RTTN: variants seen among roughly 807,000 people sequenced by gnomAD.
The protein encoded by RTTN is rotatin.
RTTN carries 182 observed loss-of-function variants against 269.2 expected under a neutral mutation model. The ratio of observed to expected loss-of-function variants is 0.68; its 90% CI spans 0.60 to 0.76. The LOEUF (loss-of-function observed/expected upper bound fraction) is 0.76, where lower values mean the gene tolerates loss of function less well. RTTN is among the 30% of genes least tolerant of loss of function. The pLI, the probability that RTTN is intolerant of heterozygous loss-of-function variation, is 0.00. For missense variants in RTTN, 2,545 were observed against 2,608.6 expected (o/e 0.98, Z 0.53); for synonymous variants, 1,006 against 963.5 (o/e 1.04, Z -0.82).
At position 70,204,265 on chromosome 18, in the gene RTTN, T is replaced by C. The variant is rs1293069428; in HGVS notation, c.220-2A>G. On this transcript the variant is annotated splice_acceptor_variant, in intron 2 of 48. Transcript: ENST00000640769. LOFTEE classifies it high-confidence loss of function. The stretch of plus-strand genomic sequence containing the variant: ...CAAATGTTGGACTGCTGGGGGATAC[T>C]AAAATAAGAAGAGGATGATCTTGAG... 6.3e-7 allele frequency: 1 copy of C among 1,598,908 alleles called. No individual in the cohort carries two copies. The highest frequency in any genetic ancestry group is 1.1e-5 in the South Asian group (1 of 87,684).
intron 10 of RTTN, 129 bp from the exon 11 acceptor site, chr18:70,176,974 T>G (rs2061318837): frequency 1.5e-6 from 1 of 650,030 alleles, no homozygotes; most frequent in Middle Eastern, 4.6e-4. Flanking sequence ...AAAACAGAAT[T>G]TATTCCTGTG....
intron 27 of RTTN, among the ~76,000 whole-genome samples, chr18:70,110,097 G>T (rs1402459543): frequency 6.6e-6 from 1 of 151,938 alleles, no homozygotes; most frequent in Non-Finnish European, 1.5e-5. Flanking sequence ...CAGGTGTGGT[G>T]GTGCACACCT....
intron 28 of RTTN, among the ~76,000 whole-genome samples, chr18:70,105,246 A>T (rs1270269567): frequency 6.6e-6 from 1 of 152,172 alleles, no homozygotes; most frequent in Non-Finnish European, 1.5e-5. Context: ...TCGATCTCAG[A>T]CTGCTGTGCT....
chr18:70,190,476 T>C, intron 9 of RTTN, 62 bp downstream of exon 9: 1 of 1,322,006 alleles, frequency 7.6e-7, no homozygotes, highest in Non-Finnish European at 1.1e-6. Context: ...AAAAGGAAAA[T>C]CCTAACGAAA....
At chr18:70,144,768 C>T (rs781378886) in intron 18 of RTTN, among the ~76,000 whole-genome samples, 21 of 152,068 alleles carry the variant, frequency 1.4e-4, no homozygotes, top group Non-Finnish European at 2.9e-4. Context: ...ATGTGTTTCC[C>T]CATTAAAAAG....
Position 70,176,950 on chromosome 18 carries a change from T to A in RTTN, c.1306-105A>T, listed in dbSNP as rs758977860. 6.6e-5 allele frequency: 53 copies of A among 803,380 alleles called. No homozygotes were observed. The African/African-American group carries it at 8.6e-4, about 13-fold the overall frequency. 49.8% of individuals were successfully genotyped at this position (803,380 alleles called of 1,614,324 possible). A position where few individuals can be genotyped will look rare whatever the true frequency, so the allele number is the denominator to read the frequency against. The stretch of plus-strand genomic sequence containing the variant: ...TTAAAATATTATCATTTTCATTAAA[T>A]AGGAAAACAAATCAAAACAGAATTT... On this transcript the variant is annotated intron_variant, in intron 10 of 48. Transcript: ENST00000640769.
At chr18:70,022,977 T>C (rs553688027) in intron 44 of RTTN, among the ~76,000 whole-genome samples, 4 of 152,296 alleles carry the variant, frequency 2.6e-5, no homozygotes, top group Admixed American at 1.3e-4. Flanking sequence ...ACTCCTGTGG[T>C]AGCCAGCCTC....
At chr18:70,151,023 A>G (rs1161995819) in intron 14 of RTTN, among the ~76,000 whole-genome samples, 2 of 151,710 alleles carry the variant, frequency 1.3e-5, no homozygotes, top group African/African-American at 4.8e-5. Context: ...CACAAAGGAC[A>G]TAAACACAGT....
intron 35 of RTTN, among the ~76,000 whole-genome samples, chr18:70,065,082 GA>G (rs2058094975): frequency 6.6e-6 from 1 of 152,030 alleles, no homozygotes; most frequent in Non-Finnish European, 1.5e-5. Context: ...GAAATTATTG[GA>G]ACAAATATTG....
chr18:70,046,242 TG>T (rs1365767197), intron 40 of RTTN, among the ~76,000 whole-genome samples: 4 of 152,166 alleles, frequency 2.6e-5, no homozygotes, highest in Non-Finnish European at 4.4e-5. Context: ...CCAGGAGGAT[TG>T]GTTGCAGGAC....
At chr18:70,113,579 CA>C (rs1413447684) in intron 27 of RTTN, among the ~76,000 whole-genome samples, 2 of 152,022 alleles carry the variant, frequency 1.3e-5, no homozygotes, top group Non-Finnish European at 2.9e-5. Flanking sequence ...CATGTCCACA[CA>C]AAAATCTGTA....
chr18:70,139,793 T>C, intron 20 of RTTN, 77 bp from the exon 21 acceptor site: 1 of 850,120 alleles, frequency 1.2e-6, no homozygotes, highest in Non-Finnish European at 1.9e-6. Context: ...AATATTATCT[T>C]ACTCTAAATT....
chr18:70,086,968 A>G (rs1387444714), intron 31 of RTTN, among the ~76,000 whole-genome samples: 1 of 152,090 alleles, frequency 6.6e-6, no homozygotes, highest in Non-Finnish European at 1.5e-5. Flanking sequence ...ATTCAGCTTT[A>G]TTAAAAAATG....
chr18:70,203,086 CACA>C (rs1311039818), intron 3 of RTTN, among the ~76,000 whole-genome samples: 2 of 151,918 alleles, frequency 1.3e-5, no homozygotes, highest in African/African-American at 4.8e-5. Context: ...TTAACAACAA[CACA>C]ACAGCAGCAG....
At chr18:70,110,321 G>A (rs768204639) in intron 27 of RTTN, among the ~76,000 whole-genome samples, 2 of 151,958 alleles carry the variant, frequency 1.3e-5, no homozygotes, top group African/African-American at 2.4e-5. Flanking sequence ...CGGCAAGATC[G>A]ACGCAGAAGG....
chr18:70,075,626 A>G (rs530248586), intron 32 of RTTN, 85 bp from the exon 33 acceptor site: 9 of 1,092,526 alleles, frequency 8.2e-6, no homozygotes, highest in Non-Finnish European at 1.3e-6. Context: ...TCTCGAGGAA[A>G]CAAATGGGTC....
intron 25 of RTTN, among the ~76,000 whole-genome samples, chr18:70,126,482 G>A (rs1299640189): frequency 1.3e-5 from 2 of 152,078 alleles, no homozygotes; most frequent in Admixed American, 1.3e-4. Flanking sequence ...GAGCTACCAT[G>A]TAACATGAAG....
At chr18:70,146,414 G>A (rs1481869576) in intron 17 of RTTN, among the ~76,000 whole-genome samples, 1 of 152,150 alleles carries the variant, frequency 6.6e-6, no homozygotes, top group Non-Finnish European at 1.5e-5. Flanking sequence ...CCACTGAGTG[G>A]ACAAAGGTCA....
At position 70,190,191 on chromosome 18, in the gene RTTN, T is replaced by C. The variant is rs116506376; in HGVS notation, c.1189+347A>G. Reference sequence around the variant, plus strand: ...TATTCCAGTTGCTGAATGTTGTCACTGCTCAAATTTAAAATAGCCATACAG... The same window carrying C: ...TATTCCAGTTGCTGAATGTTGTCACCGCTCAAATTTAAAATAGCCATACAG... On this transcript the variant is annotated intron_variant, in intron 9 of 48. Transcript: ENST00000640769. Among the ~76,000 whole-genome samples the C allele has an allele frequency of 5.0e-3, 762 of 151,154 alleles. 6 individuals are homozygous for C. The highest frequency in any genetic ancestry group is 0.018 in the African/African-American group (722 of 41,154).
Sources: allele counts gnomAD v4.1 joint callset (sites outside exome capture counted in the v4.1 genomes callset), GRCh38; gene constraint gnomAD v4.1.1; transcripts MANE v1.5; gene names NCBI Gene and HGNC (gene_info 2026-07-23, HGNC 2026-07-21).